The following EXOC6 variants were observed in gnomAD, a reference collection of about 807,000 sequenced individuals.
EXOC6 encodes the protein exocyst complex component 6, also known as SEC15-like 1.
A neutral mutation model predicts 112.5 loss-of-function variants in EXOC6; 60 were observed. The ratio of observed to expected loss-of-function variants is 0.53; its 90% CI spans 0.43 to 0.66. The LOEUF (loss-of-function observed/expected upper bound fraction) is 0.66. Among genes scored for constraint, EXOC6 ranks in the 30% least tolerant of loss-of-function variants. The pLI, the probability that EXOC6 is intolerant of heterozygous loss-of-function variation, is 0.00. For missense variants in EXOC6, 855 were observed against 957.1 expected, an observed-to-expected ratio of 0.89 and a Z score of 1.41; for synonymous variants, 295 against 308.0, an observed-to-expected ratio of 0.96 and a Z score of 0.44.
intron 1 of EXOC6, among the ~76,000 whole-genome samples, chr10:92,829,008 G>C (rs1405262629): frequency 6.6e-6 from 1 of 152,056 alleles, no homozygotes; most frequent in Non-Finnish European, 1.5e-5. Flanking sequence ...CTGTAAAATC[G>C]AGTTACAGAT....
intron 20 of EXOC6, among the ~76,000 whole-genome samples, chr10:93,017,318 C>T (rs563568742): frequency 7.3e-5 from 11 of 151,676 alleles, no homozygotes; most frequent in Middle Eastern, 3.4e-3. Context: ...GGGCTGGGCA[C>T]GGTGGCTCAC....
At chr10:92,877,948 A>G (rs747629846) in intron 1 of EXOC6, 2 of 153,722 alleles carry the variant, frequency 1.3e-5, no homozygotes, top group Non-Finnish European at 1.5e-5. Context: ...GGCAAAAAGC[A>G]AGCACTTAAG....
chr10:92,974,959 C>T (rs564055511), intron 18 of EXOC6, among the ~76,000 whole-genome samples: 1 of 152,276 alleles, frequency 6.6e-6, no homozygotes, highest in Admixed American at 6.5e-5. Context: ...CCCAAAGTGC[C>T]GAGATTGCAG....
chr10:92,990,290 G>T (rs990581204), intron 18 of EXOC6, among the ~76,000 whole-genome samples: 2 of 152,018 alleles, frequency 1.3e-5, no homozygotes, highest in African/African-American at 4.8e-5. Context: ...CCAAGTTCTG[G>T]CTAATCTTGG....
rs1589812602 is a variant in EXOC6, at chr10:92,909,769, G to T, written c.663+138G>T. ...TCTTATCTTTTCTGGTTATTGTTTA[G>T]AAAGGATTCTATCAGTGTTTTCTTT... On this transcript the variant is annotated intron_variant, in intron 6 of 21. Coordinates refer to ENST00000260762, the MANE Select transcript of EXOC6 (RefSeq NM_019053.6). 1.2e-5 allele frequency: 7 copies of T among 602,806 alleles called. No homozygotes were observed. The East Asian group carries it at 2.0e-4, about 17-fold the overall frequency. The allele number at this position is 602,806 out of a possible 1,614,324, so 37.3% of individuals were successfully genotyped here.
chr10:93,016,789 A>G (rs755759023), intron 20 of EXOC6, among the ~76,000 whole-genome samples: 2 of 151,550 alleles, frequency 1.3e-5, no homozygotes, highest in South Asian at 2.1e-4. Flanking sequence ...TCCCTTGTCA[A>G]TTGGTGTCTT....
chr10:92,929,361 CA>C (rs1223470629), intron 9 of EXOC6, among the ~76,000 whole-genome samples: 1 of 152,188 alleles, frequency 6.6e-6, no homozygotes, highest in South Asian at 2.1e-4. Flanking sequence ...AAAGACATCT[CA>C]AGCTCAACAT....
intron 6 of EXOC6, among the ~76,000 whole-genome samples, chr10:92,910,104 T>G (rs1589813216): frequency 1.3e-5 from 2 of 152,150 alleles, no homozygotes; most frequent in East Asian, 3.9e-4. Flanking sequence ...AGTCAATATA[T>G]CTACCTTTTG....
At chr10:92,976,047 G>A (rs1215528746) in intron 18 of EXOC6, among the ~76,000 whole-genome samples, 3 of 10,252 alleles carry the variant, frequency 2.9e-4, no homozygotes, top group African/African-American at 2.5e-3. Flanking sequence ...GAGGGAGGTG[G>A]GGGGGGGGGT....
At chr10:92,897,414 A>G (rs1200296827) in intron 4 of EXOC6, among the ~76,000 whole-genome samples, 3 of 152,198 alleles carry the variant, frequency 2.0e-5, no homozygotes, top group African/African-American at 4.8e-5. Flanking sequence ...AAATGACACA[A>G]TCTCAGCTTT....
intron 1 of EXOC6, among the ~76,000 whole-genome samples, chr10:92,865,491 T>A (rs1848129648): frequency 6.6e-6 from 1 of 151,442 alleles, no homozygotes; most frequent in Non-Finnish European, 1.5e-5. Context: ...GAGCCAAGAT[T>A]GCGCCACTGC....
chr10:92,839,265 C>T (rs1207599040), intron 1 of EXOC6, among the ~76,000 whole-genome samples: 1 of 152,194 alleles, frequency 6.6e-6, no homozygotes, highest in African/African-American at 2.4e-5. Flanking sequence ...TGTAGCCTCT[C>T]CATCTGGTGT....
chr10:92,880,743 A>G (rs974546147), intron 1 of EXOC6, among the ~76,000 whole-genome samples: 3 of 152,224 alleles, frequency 2.0e-5, no homozygotes, highest in African/African-American at 7.2e-5. Context: ...TCTTGAGCTG[A>G]AATTTGAAGG....
At chr10:92,979,896 CAAA>C (rs5787028) in intron 18 of EXOC6, among the ~76,000 whole-genome samples, 49 of 84,416 alleles carry the variant, frequency 5.8e-4, no homozygotes, top group East Asian at 4.6e-3. Flanking sequence ...GACACTGTCT[CAAA>C]AAAAAAAAAA....
chr10:92,903,872 G>A (rs1200031659), intron 5 of EXOC6, among the ~76,000 whole-genome samples: 1 of 151,954 alleles, frequency 6.6e-6, no homozygotes, highest in Non-Finnish European at 1.5e-5. Flanking sequence ...TGTGGATTTT[G>A]GCAAACATAT....
chr10:92,950,386 A>C lies in EXOC6; in HGVS notation c.1417-1887A>C, dbSNP rs371399413. Among the ~76,000 whole-genome samples the C allele has an allele frequency of 8.5e-5, 13 of 152,330 alleles. No homozygotes were observed. The South Asian group carries it at 1.9e-3, about 22-fold the overall frequency. On this transcript the variant is annotated intron_variant, in intron 14 of 21. Transcript: ENST00000260762. ...TAGATAGCTATGTTAATTTTATTAG[A>C]ATCATTTGGCCAAAATAAGAACATA...
At chr10:92,910,757 A>G (rs926824055) in intron 6 of EXOC6, among the ~76,000 whole-genome samples, 17 of 152,138 alleles carry the variant, frequency 1.1e-4, no homozygotes, top group African/African-American at 2.9e-4. Context: ...GTGAAACCCC[A>G]TCTCTACTAA....
chr10:92,911,931 C>CG (rs1564823562), intron 6 of EXOC6, among the ~76,000 whole-genome samples: 52 of 44,118 alleles, frequency 1.2e-3, no homozygotes, highest in Middle Eastern at 9.4e-3. Context: ...CTCTCTCTCT[C>CG]TGTGTGCGTG....
At chr10:92,992,287 CAAAA>C (rs35924745) in intron 18 of EXOC6, among the ~76,000 whole-genome samples, 2 of 74,238 alleles carry the variant, frequency 2.7e-5, no homozygotes, top group Non-Finnish European at 2.5e-5. Context: ...GACTCTGTCT[CAAAA>C]AAAAAAAAAA....
Sources: allele counts gnomAD v4.1 joint callset (sites outside exome capture counted in the v4.1 genomes callset), GRCh38; gene constraint gnomAD v4.1.1; transcripts MANE v1.5; gene names NCBI Gene and HGNC (gene_info 2026-07-23, HGNC 2026-07-21).